ASTN2: variants seen among roughly 807,000 people sequenced by gnomAD.
The protein encoded by ASTN2 is astrotactin-2.
A neutral mutation model predicts 139.8 loss-of-function variants in ASTN2; 54 were observed. That is an observed-to-expected ratio of 0.39 (90% confidence interval 0.31 to 0.48). ASTN2 has a LOEUF of 0.48. ASTN2 is among the 20% of genes least tolerant of loss of function. The pLI, the probability that ASTN2 is intolerant of heterozygous loss-of-function variation, is 0.95. For missense variants in ASTN2, 1,565 were observed against 1,725.1 expected (o/e 0.91, Z 1.64); for synonymous variants, 756 against 719.5 (o/e 1.05, Z -0.81).
In ASTN2 at chr9:116,964,256, T is replaced by TGTGCGCGCGC. The variant is rs1491183340; in HGVS notation, c.1889+10951_1889+10952insGCGCGCGCAC. ...GTGTGTGTGTGTGTGTGTGTGTGTG[T>TGTGCGCGCGC]GCGCGCGCGCGCGTGTGTGTTGACT... is the stretch of plus-strand genomic sequence containing the variant. On this transcript the variant is annotated intron_variant, in intron 10 of 22. Coordinates refer to ENST00000313400, the MANE Select transcript of ASTN2 (RefSeq NM_001365068.1). Among the ~76,000 whole-genome samples, 385 of 98,882 alleles carry TGTGCGCGCGC rather than the reference T, an allele frequency of 3.9e-3. 5 individuals carry two copies. The highest frequency in any genetic ancestry group is 0.012 in the African/African-American group (362 of 30,914). 64.9% of individuals were successfully genotyped at this position (98,882 alleles called of 152,430 possible).
At chr9:117,340,451 C>A (rs908075392) in intron 1 of ASTN2, among the ~76,000 whole-genome samples, 1 of 151,496 alleles carries the variant, frequency 6.6e-6, no homozygotes, top group East Asian at 2.0e-4. Context: ...ATGCCCGGTG[C>A]ACCCTGCTAA....
At chr9:116,907,663 G>A (rs1326653885) in intron 10 of ASTN2, among the ~76,000 whole-genome samples, 1 of 152,172 alleles carries the variant, frequency 6.6e-6, no homozygotes, top group Non-Finnish European at 1.5e-5. Flanking sequence ...CGTGCTCAGG[G>A]ATCTATTTGG....
intron 6 of ASTN2, among the ~76,000 whole-genome samples, chr9:117,025,089 T>A (rs532304094): frequency 9.3e-4 from 142 of 152,222 alleles, no homozygotes; most frequent in African/African-American, 3.3e-3. Context: ...CTCGGGTATA[T>A]CTTTATTAGT....
intron 2 of ASTN2, among the ~76,000 whole-genome samples, chr9:117,268,059 A>T (rs1429259977): frequency 6.6e-6 from 1 of 152,208 alleles, no homozygotes; most frequent in African/African-American, 2.4e-5. Context: ...GCACTGGAAT[A>T]GATTATAAAT....
intron 19 of ASTN2, among the ~76,000 whole-genome samples, chr9:116,530,135 ATATATATATAT>A (rs1851274275): frequency 3.3e-5 from 1 of 29,996 alleles, no homozygotes; most frequent in African/African-American, 1.5e-4. Context: ...ATATATATAT[ATATATATATAT>A]ATATAAAATA....
rs74858767 is a variant in ASTN2 at position 116,787,546 on chromosome 9, C to T, written c.2396+18086G>A. On this transcript the variant is annotated intron_variant, in intron 13 of 22. Transcript: ENST00000313400. The stretch of plus-strand genomic sequence containing the variant: ...GCCTAATCACAGAGAAATACATTTG[C>T]AAAGTCAAGAATAACTCAATGTGCT... Among the ~76,000 whole-genome samples, 1,462 of 152,266 alleles carry T rather than the reference C, an allele frequency of 9.6e-3. 11 individuals are homozygous for T. The highest frequency in any genetic ancestry group is 0.015 in the Non-Finnish European group (1,027 of 68,006).
At chr9:116,577,855 T>G (rs1009605832) in intron 19 of ASTN2, among the ~76,000 whole-genome samples, 10 of 152,138 alleles carry the variant, frequency 6.6e-5, no homozygotes, top group African/African-American at 2.4e-4. Flanking sequence ...CTTCTGATAA[T>G]CTCAGGTTGA....
intron 6 of ASTN2, among the ~76,000 whole-genome samples, chr9:117,025,075 G>A (rs914296805): frequency 7.9e-5 from 12 of 152,026 alleles, no homozygotes; most frequent in African/African-American, 2.7e-4. Context: ...TAGGATTACC[G>A]AGTCTCGGGT....
At chr9:116,929,000 C>T (rs1834830013) in intron 10 of ASTN2, among the ~76,000 whole-genome samples, 1 of 152,196 alleles carries the variant, frequency 6.6e-6, no homozygotes, top group African/African-American at 2.4e-5. Flanking sequence ...GAATCCAGGC[C>T]TGTCGTGGCC....
At chr9:117,325,364 C>T (rs928989750) in intron 1 of ASTN2, among the ~76,000 whole-genome samples, 1 of 152,152 alleles carries the variant, frequency 6.6e-6, no homozygotes, top group Non-Finnish European at 1.5e-5. Context: ...CTCCTCCTGT[C>T]TTTTTCATTG....
chr9:117,220,110 C>G (rs1420648603), intron 2 of ASTN2, among the ~76,000 whole-genome samples: 1 of 152,184 alleles, frequency 6.6e-6, no homozygotes, highest in African/African-American at 2.4e-5. Context: ...TCTGGCACCA[C>G]AAAAGTCAAC....
At chr9:116,446,247 GGGGAGA>G (rs1429663730) in intron 20 of ASTN2, among the ~76,000 whole-genome samples, 1 of 119,562 alleles carries the variant, frequency 8.4e-6, no homozygotes, top group African/African-American at 3.1e-5. Context: ...CAGAGACAGA[GGGGAGA>G]GGGAGAGAGA....
chr9:116,739,488 C>T (rs939203640), intron 13 of ASTN2, among the ~76,000 whole-genome samples: 45 of 35,064 alleles, frequency 1.3e-3, no homozygotes, highest in Non-Finnish European at 3.5e-3. Flanking sequence ...TTTGCCCTCC[C>T]TCTGGAATTT....
chr9:116,597,394 ACCTCCCAGGTTCAAGGGATTCC>A (rs929732086), intron 19 of ASTN2, among the ~76,000 whole-genome samples: 24 of 130,504 alleles, frequency 1.8e-4, no homozygotes, highest in African/African-American at 6.8e-4. Context: ...TTCAATCTCC[ACCTCCCAGGTTCAAGGGATTCC>A]CCTGCTTCAG....
intron 14 of ASTN2, among the ~76,000 whole-genome samples, chr9:116,731,993 G>A (rs558125984): frequency 8.5e-5 from 13 of 152,228 alleles, no homozygotes; most frequent in Middle Eastern, 3.4e-3. Flanking sequence ...TGTTAGCTCC[G>A]AAATTTTATG....
intron 1 of ASTN2, among the ~76,000 whole-genome samples, chr9:117,349,742 A>C (rs977728846): frequency 6.6e-6 from 1 of 152,176 alleles, no homozygotes; most frequent in Non-Finnish European, 1.5e-5. Flanking sequence ...CACTGCCCCA[A>C]ATAAATGATG....
At chr9:116,775,407 G>A (rs927388013) in intron 13 of ASTN2, among the ~76,000 whole-genome samples, 1 of 150,808 alleles carries the variant, frequency 6.6e-6, no homozygotes, top group Non-Finnish European at 1.5e-5. Flanking sequence ...AAGGAAGGAA[G>A]GAAGAAAGGA....
chr9:116,437,652 CTG>C, intron 22 of ASTN2: 6 of 465,010 alleles, frequency 1.3e-5, no homozygotes, highest in Non-Finnish European at 2.7e-5. Context: ...TCCCTGAGCC[CTG>C]TGGGAAAGCC....
chr9:116,558,043 T>C (rs1441848663), intron 19 of ASTN2, among the ~76,000 whole-genome samples: 2 of 152,222 alleles, frequency 1.3e-5, no homozygotes, highest in African/African-American at 4.8e-5. Flanking sequence ...CAGTCTTTTC[T>C]TTCAGCAAAT....
Sources: allele counts gnomAD v4.1 joint callset (sites outside exome capture counted in the v4.1 genomes callset), GRCh38; gene constraint gnomAD v4.1.1; transcripts MANE v1.5; gene names NCBI Gene and HGNC (gene_info 2026-07-23, HGNC 2026-07-21).